EPB41L4A: variants seen among roughly 807,000 people sequenced by gnomAD.
The protein encoded by EPB41L4A is band 4.1-like protein 4A.
In EPB41L4A, 100 loss-of-function variants were observed where a neutral mutation model predicts 108.6. That is an observed-to-expected ratio of 0.92 (90% confidence interval 0.78 to 1.09). The LOEUF is 1.09. Among genes scored for constraint, EPB41L4A ranks in the 50% least tolerant of loss-of-function variants. The probability of loss-of-function intolerance (pLI) is 0.00; values close to 1 mark genes in which losing one functional copy is unlikely to be tolerated. For missense variants in EPB41L4A, 1,030 were observed against 842.7 expected (o/e 1.22, Z -2.75); for synonymous variants, 319 against 289.0 (o/e 1.10, Z -1.05).
At chr5:112,418,888 C>A in intron 1 of EPB41L4A, 53 bp downstream of exon 1, 1 of 1,445,954 alleles carries the variant, frequency 6.9e-7, no homozygotes, top group Non-Finnish European at 9.7e-7. Context: ...AGCGATGGAC[C>A]CCCGCACCCG....
Position 112,209,962 on chromosome 5 carries a change from T to C in EPB41L4A, c.1108A>G (p.Ile370Val). ...TCTCCATTTTCCATGTTTGCAGTTA[T>C]CCTACTGATGCTGTTTGATTCTAGC... ...QPAESNSISR[I>V]TANMENGENE... is the part of the protein sequence containing the mutation. Residue 370 changes from isoleucine to valine, a missense_variant, in exon 13 of 23, where the codon ATA (isoleucine) becomes GTA (valine). Coordinates refer to ENST00000261486, the MANE Select transcript of EPB41L4A (RefSeq NM_022140.5). The C allele has an allele frequency of 5.6e-6, 9 of 1,601,882 alleles. No individual in the cohort carries two copies. The highest frequency in any genetic ancestry group is 7.7e-6 in the Non-Finnish European group (9 of 1,169,968).
chr5:112,362,057 C>A (rs1758802377), intron 1 of EPB41L4A, among the ~76,000 whole-genome samples: 1 of 152,094 alleles, frequency 6.6e-6, no homozygotes, highest in African/African-American at 2.4e-5. Context: ...TACCATTAGA[C>A]AAAGGATCCC....
At chr5:112,177,314 G>A (rs372686077) in intron 18 of EPB41L4A, among the ~76,000 whole-genome samples, 2 of 152,152 alleles carry the variant, frequency 1.3e-5, no homozygotes, top group South Asian at 4.1e-4. Flanking sequence ...ACAGCAGGTT[G>A]AGTCCGTTTC....
chr5:112,329,773 C>A (rs1580698256), intron 1 of EPB41L4A, among the ~76,000 whole-genome samples: 1 of 152,116 alleles, frequency 6.6e-6, no homozygotes, highest in South Asian at 2.1e-4. Flanking sequence ...TACACCTAAG[C>A]CATTGTGGGG....
intron 2 of EPB41L4A, among the ~76,000 whole-genome samples, chr5:112,300,543 T>A (rs1259510324): frequency 6.6e-6 from 1 of 152,212 alleles, no homozygotes; most frequent in East Asian, 1.9e-4. Context: ...TTTTCCTTTA[T>A]AGATTACCTA....
intron 13 of EPB41L4A, chr5:112,145,878 T>C (rs1267558997): frequency 4.4e-6 from 2 of 455,332 alleles, no homozygotes; most frequent in Middle Eastern, 3.3e-4. Context: ...TAATTACACT[T>C]ACATCCCAGC....
At chr5:112,343,529 A>G (rs1193402159) in intron 1 of EPB41L4A, among the ~76,000 whole-genome samples, 2 of 152,254 alleles carry the variant, frequency 1.3e-5, no homozygotes, top group Admixed American at 6.5e-5. Context: ...AAGTTTAGCT[A>G]TGCTGTTGTT....
intron 4 of EPB41L4A, among the ~76,000 whole-genome samples, chr5:112,268,842 CAAAAA>C (rs34983995): frequency 1.8e-5 from 1 of 55,894 alleles, no homozygotes; most frequent in African/African-American, 7.4e-5. Flanking sequence ...GACCTTCTCT[CAAAAA>C]AAAAAAAAAA....
intron 12 of EPB41L4A, chr5:112,228,577 G>C (rs559259080): frequency 1.0e-5 from 3 of 297,948 alleles, no homozygotes; most frequent in African/African-American, 6.8e-5. Context: ...GATAATCAAA[G>C]CCTTGTGTAT....
At chr5:112,385,320 G>A (rs1760440741) in intron 1 of EPB41L4A, among the ~76,000 whole-genome samples, 2 of 152,032 alleles carry the variant, frequency 1.3e-5, no homozygotes, top group South Asian at 4.2e-4. Context: ...TCCAATAAAA[G>A]GCATAAAAAA....
chr5:112,307,525 G>A, intron 1 of EPB41L4A, 35 bp from the exon 2 acceptor site: 1 of 1,439,140 alleles, frequency 6.9e-7, no homozygotes, highest in Non-Finnish European at 9.8e-7. Flanking sequence ...TTTTTTAACT[G>A]CCCTTTTGTT....
chr5:112,335,832 C>G (rs1435269646), intron 1 of EPB41L4A, among the ~76,000 whole-genome samples: 2 of 152,190 alleles, frequency 1.3e-5, no homozygotes, highest in Non-Finnish European at 2.9e-5. Context: ...TCCAAGCCCT[C>G]TCTCCATGAT....
chr5:112,416,265 A>T (rs1762715402), intron 1 of EPB41L4A, among the ~76,000 whole-genome samples: 1 of 152,110 alleles, frequency 6.6e-6, no homozygotes. Context: ...GTTTACCAAG[A>T]TTCTCTCATA....
chr5:112,170,514 G>C, intron 19 of EPB41L4A, 145 bp from the exon 20 acceptor site: 1 of 610,892 alleles, frequency 1.6e-6, no homozygotes, highest in Non-Finnish European at 2.8e-6. Context: ...AAAACTAAAC[G>C]TGTTCAAGGA....
intron 2 of EPB41L4A, among the ~76,000 whole-genome samples, chr5:112,292,347 A>G (rs770862607): frequency 1.3e-5 from 2 of 152,208 alleles, no homozygotes; most frequent in Non-Finnish European, 2.9e-5. Flanking sequence ...TATCCTCTAT[A>G]AAATATCCTG....
intron 19 of EPB41L4A, among the ~76,000 whole-genome samples, 168 bp downstream of exon 19, chr5:112,170,777 A>G (rs771649693): frequency 9.2e-5 from 14 of 152,200 alleles, no homozygotes; most frequent in Non-Finnish European, 1.8e-4. Flanking sequence ...ATAGGTGTTG[A>G]TATGGTTAAG....
intron 9 of EPB41L4A, among the ~76,000 whole-genome samples, chr5:112,242,281 G>A (rs1167911453): frequency 6.6e-6 from 1 of 152,194 alleles, no homozygotes; most frequent in Non-Finnish European, 1.5e-5. Flanking sequence ...TTAAGTTTGT[G>A]TAATATTTTA....
At chr5:112,392,919 A>C (rs1010533036) in intron 1 of EPB41L4A, 5 of 152,266 alleles carry the variant, frequency 3.3e-5, no homozygotes, top group African/African-American at 1.2e-4. Flanking sequence ...TCAAATTAGT[A>C]TTCAGGACTA....
At chr5:112,170,104 T>C in intron 20 of EPB41L4A, 197 bp downstream of exon 20, 1 of 563,226 alleles carries the variant, frequency 1.8e-6, no homozygotes, top group Non-Finnish European at 3.1e-6. Context: ...AGGTGGCTAA[T>C]AAGAGATGAT....
Sources: gnomAD v4.1 joint callset for allele counts (sites outside exome capture counted in the v4.1 genomes callset) on GRCh38, gnomAD v4.1.1 for gene constraint, MANE v1.5 for transcripts, NCBI Gene and HGNC (gene_info 2026-07-23, HGNC 2026-07-21) for gene names.